The following MTUS2 variants were observed in gnomAD, a reference collection of about 807,000 sequenced individuals.
The protein encoded by MTUS2 is microtubule associated scaffold protein 2.
In MTUS2, 40 loss-of-function variants were observed where a neutral mutation model predicts 114.1. That is an observed-to-expected ratio of 0.35 (90% CI 0.27 to 0.46). The LOEUF is 0.46. Ranked by LOEUF, MTUS2 falls within the 20% of genes least tolerant of loss-of-function variation. MTUS2 has a pLI of 1.00. For missense variants in MTUS2, 1,679 were observed against 1,705.4 expected (o/e 0.98, Z 0.27); for synonymous variants, 688 against 672.0 (o/e 1.02, Z -0.37).
intron 5 of MTUS2, among the ~76,000 whole-genome samples, chr13:29,236,041 T>C (rs1896523419): frequency 6.6e-6 from 1 of 152,228 alleles, no homozygotes; most frequent in African/African-American, 2.4e-5. Flanking sequence ...ATTATATACT[T>C]GCATTTTTTC....
At chr13:29,304,065 TC>T (rs2139616246) in intron 6 of MTUS2, among the ~76,000 whole-genome samples, 1 of 152,124 alleles carries the variant, frequency 6.6e-6, no homozygotes, top group South Asian at 2.1e-4. Flanking sequence ...AGAACTAAGA[TC>T]CTTTACAGAC....
chr13:28,862,411 G>T (rs1185700346), intron 2 of MTUS2, among the ~76,000 whole-genome samples: 1 of 152,186 alleles, frequency 6.6e-6, no homozygotes, highest in African/African-American at 2.4e-5. Context: ...GGGAGTTTGA[G>T]ACCAGCCTGG....
At chr13:29,156,655 T>G (rs1892873595) in intron 5 of MTUS2, among the ~76,000 whole-genome samples, 1 of 152,150 alleles carries the variant, frequency 6.6e-6, no homozygotes, top group South Asian at 2.1e-4. Context: ...TTGGAGTTAC[T>G]TGGAGGATAT....
intron 5 of MTUS2, among the ~76,000 whole-genome samples, chr13:29,262,206 C>A (rs1404457504): frequency 6.6e-6 from 1 of 152,214 alleles, no homozygotes; most frequent in African/African-American, 2.4e-5. Context: ...CTCTGTCTTT[C>A]TTAAAGTAGT....
intron 6 of MTUS2, among the ~76,000 whole-genome samples, chr13:29,294,560 G>T (rs76371762): frequency 0.014 from 2,081 of 152,180 alleles, 36 homozygotes; most frequent in African/African-American, 0.048. Context: ...TTAGAAGTTG[G>T]TATATTTATG....
Position 29,024,775 on chromosome 13 carries a change from A to G in MTUS2, c.77A>G (p.Asn26Ser), listed in dbSNP as rs1886435060. 6.2e-7 allele frequency: 1 copy of G among 1,614,024 alleles called. No homozygotes were observed. Among genetic ancestry groups the G allele is most frequent in the Non-Finnish European group, 8.5e-7 (1 of 1,179,894 alleles). ...RDNRNAARNN[N>S]ESILSLGDTN... Reference sequence around the variant, plus strand: ...AACAGAAATGCAGCAAGAAATAATAATGAAAGCATCTTAAGTCTGGGAGAT... The same window carrying G: ...AACAGAAATGCAGCAAGAAATAATAGTGAAAGCATCTTAAGTCTGGGAGAT... Residue 26 changes from asparagine (N) to serine (S), a missense_variant, in exon 3 of 16, where the codon AAT (asparagine) becomes AGT (serine). Around this residue, in one of 3 missense-constraint regions of MTUS2, gnomAD observed 843 missense variants for 770.8 expected, o/e 1.09. Coordinates refer to ENST00000612955, the MANE Select transcript of MTUS2 (RefSeq NM_001033602.4).
At chr13:28,930,888 G>A (rs1881579739) in intron 2 of MTUS2, among the ~76,000 whole-genome samples, 1 of 152,176 alleles carries the variant, frequency 6.6e-6, no homozygotes, top group Non-Finnish European at 1.5e-5. Context: ...AAAAGTACAG[G>A]TAATTGCAAT....
At chr13:29,146,570 C>T (rs1348562131) in intron 5 of MTUS2, among the ~76,000 whole-genome samples, 1 of 152,156 alleles carries the variant, frequency 6.6e-6, no homozygotes, top group Non-Finnish European at 1.5e-5. Flanking sequence ...ATTTTTAAAT[C>T]CCAAATCAGA....
intron 9 of MTUS2, among the ~76,000 whole-genome samples, chr13:29,468,184 C>G (rs1212599567): frequency 6.6e-6 from 1 of 152,112 alleles, no homozygotes; most frequent in Non-Finnish European, 1.5e-5. Flanking sequence ...TAAAAAAGAG[C>G]TTTAAACTAA....
intron 8 of MTUS2, among the ~76,000 whole-genome samples, chr13:29,433,835 A>G (rs1233960167): frequency 2.6e-5 from 4 of 152,220 alleles, no homozygotes; most frequent in African/African-American, 4.8e-5. Context: ...GCGTAAAAAA[A>G]CCTTTAACCT....
intron 2 of MTUS2, among the ~76,000 whole-genome samples, chr13:28,957,332 C>T (rs1337200195): frequency 6.6e-6 from 1 of 152,186 alleles, no homozygotes; most frequent in Non-Finnish European, 1.5e-5. Flanking sequence ...CATGGTTCTT[C>T]TCTCCAAAGT....
chr13:28,987,289 A>G (rs1884631019), intron 2 of MTUS2, among the ~76,000 whole-genome samples: 1 of 152,150 alleles, frequency 6.6e-6, no homozygotes, highest in Non-Finnish European at 1.5e-5. Context: ...GAGGGTGTGG[A>G]CAGAGGCTCC....
intron 5 of MTUS2, among the ~76,000 whole-genome samples, chr13:29,251,251 T>C (rs995354486): frequency 1.3e-5 from 2 of 151,234 alleles, no homozygotes; most frequent in African/African-American, 4.9e-5. Flanking sequence ...CCCCTTAATA[T>C]CACTCAGCCT....
chr13:29,379,757 C>A (rs1703429973), intron 8 of MTUS2, among the ~76,000 whole-genome samples: 1 of 152,040 alleles, frequency 6.6e-6, no homozygotes, highest in Admixed American at 6.5e-5. Flanking sequence ...CTTATGTAAG[C>A]CTGAATTGAG....
chr13:29,073,421 G>T (rs1379687944), intron 4 of MTUS2, among the ~76,000 whole-genome samples: 2 of 152,114 alleles, frequency 1.3e-5, no homozygotes, highest in Non-Finnish European at 2.9e-5. Flanking sequence ...TTCTCTTTCT[G>T]GCCTGGATAT....
chr13:29,094,711 T>C (rs949342586), intron 4 of MTUS2, among the ~76,000 whole-genome samples: 3 of 152,154 alleles, frequency 2.0e-5, no homozygotes, highest in Admixed American at 2.0e-4. Context: ...TTATTTCTTT[T>C]CTTCTTTTGG....
chr13:29,159,355 A>T (rs1480424848), intron 5 of MTUS2, among the ~76,000 whole-genome samples: 2 of 152,214 alleles, frequency 1.3e-5, no homozygotes, highest in African/African-American at 4.8e-5. Flanking sequence ...ATACACATAG[A>T]CACATACATA....
intron 5 of MTUS2, among the ~76,000 whole-genome samples, chr13:29,246,753 C>T (rs892128457): frequency 8.5e-5 from 13 of 152,100 alleles, no homozygotes; most frequent in Non-Finnish European, 1.2e-4. Context: ...AAAGAAATAA[C>T]GGACAACACA....
intron 2 of MTUS2, among the ~76,000 whole-genome samples, chr13:28,990,022 T>C (rs550365701): frequency 2.0e-5 from 3 of 151,972 alleles, no homozygotes; most frequent in African/African-American, 7.2e-5. Context: ...TGGAAGGAGG[T>C]AGTGGAATCT....
Sources: gnomAD v4.1 joint callset for allele counts (sites outside exome capture counted in the v4.1 genomes callset) on GRCh38, gnomAD v4.1.1 for gene constraint, gnomAD v4.1.1 regional missense constraint, MANE v1.5 for transcripts, NCBI Gene and HGNC (gene_info 2026-07-23, HGNC 2026-07-21) for gene names.